Variants in PARD3 observed in about 807,000 individuals in gnomAD.
The protein encoded by PARD3 is par-3 family cell polarity regulator, also known as partitioning defective 3 homolog.
A neutral mutation model predicts 155.4 loss-of-function variants in PARD3; 75 were observed. That is an observed-to-expected ratio of 0.48 (90% CI 0.40 to 0.58). PARD3 has a LOEUF of 0.58. Ranked by LOEUF, PARD3 falls within the 20% of genes least tolerant of loss-of-function variation. The probability of loss-of-function intolerance (pLI) is 0.00; values close to 1 mark genes in which losing one functional copy is unlikely to be tolerated. For missense variants in PARD3, 1,642 were observed against 1,721.7 expected, an observed-to-expected ratio of 0.95 and a Z score of 0.82; for synonymous variants, 576 against 610.5, an observed-to-expected ratio of 0.94 and a Z score of 0.83.
chr10:34,431,740 CAAAAAAAAAAAA>C (rs57001926), intron 5 of PARD3, among the ~76,000 whole-genome samples: 1 of 25,200 alleles, frequency 4.0e-5, no homozygotes, highest in East Asian at 1.5e-3. Context: ...AACTCTGTCT[CAAAAAAAAAAAA>C]AAAAAAAAAA....
chr10:34,530,229 T>G (rs1044323268), intron 2 of PARD3, among the ~76,000 whole-genome samples: 1 of 152,142 alleles, frequency 6.6e-6, no homozygotes, highest in Non-Finnish European at 1.5e-5. Context: ...TACATCACAA[T>G]GTCTGACTTT....
chr10:34,478,545 T>C (rs2078862207), intron 3 of PARD3, among the ~76,000 whole-genome samples: 1 of 152,082 alleles, frequency 6.6e-6, no homozygotes, highest in African/African-American at 2.4e-5. Flanking sequence ...GAAAAAAACA[T>C]ATGCAATTTT....
At chr10:34,728,482 A>T (rs2094758422) in intron 1 of PARD3, among the ~76,000 whole-genome samples, 1 of 152,166 alleles carries the variant, frequency 6.6e-6, no homozygotes, top group African/African-American at 2.4e-5. Context: ...CCTCTCTTCA[A>T]CCCTGAAATG....
At chr10:34,118,216 CTGAA>C (rs1014708159) in intron 24 of PARD3, among the ~76,000 whole-genome samples, 1 of 152,202 alleles carries the variant, frequency 6.6e-6, no homozygotes, top group African/African-American at 2.4e-5. Flanking sequence ...AAAAGAACAA[CTGAA>C]TGAATAAACT....
At position 34,111,499 on chromosome 10, in the gene PARD3, C is replaced by T; in HGVS notation, c.3732G>A (p.Gly1244=). 1 of 1,613,946 alleles carries T rather than the reference C, an allele frequency of 6.2e-7. No homozygotes were observed. Among genetic ancestry groups the T allele is most frequent in the Non-Finnish European group, 8.5e-7 (1 of 1,179,966 alleles). Residue 1244 remains glycine (G), a synonymous_variant, in exon 25 of 25, where the codon GGG becomes GGA. Transcript: ENST00000374788. ...TCTCTTTGGCACTCTGGAAGCCTTC[C>T]CCAGGGGAGTAGTTCTGCTCCCAAG... ...QDSWEQNYSP[G]EGFQSAKENP... is the part of the protein sequence containing the mutation.
intron 1 of PARD3, among the ~76,000 whole-genome samples, chr10:34,774,625 CAAAT>C (rs1213327009): frequency 2.0e-5 from 3 of 152,156 alleles, no homozygotes. Flanking sequence ...ATGATAAAGA[CAAAT>C]GAACTAATTT....
intron 22 of PARD3, among the ~76,000 whole-genome samples, chr10:34,166,664 T>C (rs1340739306): frequency 1.3e-5 from 2 of 151,328 alleles, no homozygotes; most frequent in African/African-American, 2.4e-5. Context: ...TCTACACCCA[T>C]GTACCCTGGC....
intron 7 of PARD3, among the ~76,000 whole-genome samples, chr10:34,390,386 A>G (rs1842771044): frequency 6.6e-6 from 1 of 152,192 alleles, no homozygotes; most frequent in Non-Finnish European, 1.5e-5. Flanking sequence ...GCACCACTGG[A>G]GGGAATTTCA....
chr10:34,137,435 C>A (rs1049990472), intron 22 of PARD3, among the ~76,000 whole-genome samples: 2 of 152,152 alleles, frequency 1.3e-5, no homozygotes, highest in East Asian at 3.9e-4. Flanking sequence ...TGATTGCACC[C>A]CGAGGGAGAC....
chr10:34,340,716 C>A (rs1184180953), intron 16 of PARD3, among the ~76,000 whole-genome samples: 1 of 152,006 alleles, frequency 6.6e-6, no homozygotes, highest in East Asian at 1.9e-4. Context: ...AAGATCATCA[C>A]TAAAAATGTT....
At chr10:34,805,199 T>C (rs1843216904) in intron 1 of PARD3, among the ~76,000 whole-genome samples, 1 of 151,874 alleles carries the variant, frequency 6.6e-6, no homozygotes, top group South Asian at 2.1e-4. Context: ...GTACTAAAAA[T>C]ACAAAAAATT....
At chr10:34,689,940 T>TATTC (rs941523873) in intron 2 of PARD3, among the ~76,000 whole-genome samples, 2 of 151,800 alleles carry the variant, frequency 1.3e-5, no homozygotes, top group Non-Finnish European at 2.9e-5. Context: ...ACATGTTATT[T>TATTC]ATTTATTTAT....
intron 18 of PARD3, among the ~76,000 whole-genome samples, chr10:34,332,257 T>A (rs993504687): frequency 1.3e-5 from 2 of 152,168 alleles, no homozygotes; most frequent in African/African-American, 4.8e-5. Flanking sequence ...CAAAACTGAT[T>A]TCTTTAACCA....
chr10:34,544,135 C>T (rs1451046028), intron 2 of PARD3, among the ~76,000 whole-genome samples: 3 of 152,086 alleles, frequency 2.0e-5, no homozygotes, highest in African/African-American at 2.4e-5. Context: ...GGATCCTAGC[C>T]TAACTTTTCT....
At chr10:34,699,950 A>G (rs929714509) in intron 1 of PARD3, among the ~76,000 whole-genome samples, 1 of 152,272 alleles carries the variant, frequency 6.6e-6, no homozygotes, top group Non-Finnish European at 1.5e-5. Flanking sequence ...TAATTGTATC[A>G]GTCATTGGGT....
At chr10:34,533,379 G>A (rs966633372) in intron 2 of PARD3, among the ~76,000 whole-genome samples, 3 of 151,884 alleles carry the variant, frequency 2.0e-5, no homozygotes, top group African/African-American at 7.3e-5. Context: ...TCAACATAAC[G>A]CAATATATCC....
intron 1 of PARD3, among the ~76,000 whole-genome samples, chr10:34,716,952 AT>A (rs930092009): frequency 1.3e-4 from 20 of 150,780 alleles, no homozygotes; most frequent in Middle Eastern, 3.2e-3. Context: ...ATAATATCAG[AT>A]TTTTTTTTGC....
chr10:34,308,177 G>C (rs1957511994), intron 20 of PARD3, among the ~76,000 whole-genome samples: 1 of 152,286 alleles, frequency 6.6e-6, no homozygotes, highest in South Asian at 2.1e-4. Flanking sequence ...TGGGGTGGGG[G>C]ACCAAGTTCT....
chr10:34,771,343 T>G (rs1838833814), intron 1 of PARD3, among the ~76,000 whole-genome samples: 1 of 152,054 alleles, frequency 6.6e-6, no homozygotes, highest in East Asian at 1.9e-4. Context: ...TCATCTGAGG[T>G]AACAGCAACA....
Sources: allele counts gnomAD v4.1 joint callset (sites outside exome capture counted in the v4.1 genomes callset), GRCh38; gene constraint gnomAD v4.1.1; transcripts MANE v1.5; gene names NCBI Gene and HGNC (gene_info 2026-07-23, HGNC 2026-07-21).